The following DNM2 variants were observed in gnomAD, a reference collection of about 807,000 sequenced individuals.
DNM2 encodes the protein dynamin-2.
DNM2 carries 15 observed loss-of-function variants against 99.0 expected under a neutral mutation model. The observed-to-expected ratio is 0.15, with a 90% CI of 0.10 to 0.23. DNM2 has a LOEUF of 0.23. Ranked by LOEUF, DNM2 falls within the 10% of genes least tolerant of loss-of-function variation. The pLI, the probability that DNM2 is intolerant of heterozygous loss-of-function variation, is 1.00. For synonymous variants in DNM2, 525 were observed against 481.2 expected (o/e 1.09, Z -1.19); for missense variants, 742 against 1,189.4 (o/e 0.62, Z 5.53).
intron 7 of DNM2, among the ~76,000 whole-genome samples, chr19:10,789,205 CAAAG>C (rs1245688720): frequency 3.3e-5 from 5 of 152,052 alleles, no homozygotes; most frequent in South Asian, 4.2e-4. Context: ...CTCAAACAAA[CAAAG>C]AAACAAACAA....
chr19:10,741,676 A>G (rs1167826986), intron 1 of DNM2, among the ~76,000 whole-genome samples: 1 of 151,828 alleles, frequency 6.6e-6, no homozygotes, highest in Non-Finnish European at 1.5e-5. Flanking sequence ...CAGCCTCCCA[A>G]GTAGCTGGGA....
intron 12 of DNM2, chr19:10,803,697 C>T: frequency 1.0e-6 from 1 of 986,344 alleles, no homozygotes; most frequent in South Asian, 4.7e-5. Flanking sequence ...GTGCCTTTGC[C>T]CTGGTGTGTG....
chr19:10,827,610 G>A (rs1218323724), intron 18 of DNM2, among the ~76,000 whole-genome samples: 1 of 151,776 alleles, frequency 6.6e-6, no homozygotes, highest in Non-Finnish European at 1.5e-5. Context: ...GGTGGCTCAT[G>A]CCTGTAATCC....
intron 3 of DNM2, among the ~76,000 whole-genome samples, chr19:10,773,519 A>G (rs1201454650): frequency 4.4e-5 from 6 of 136,480 alleles, no homozygotes; most frequent in African/African-American, 1.7e-4. Flanking sequence ...CGCAATCTCC[A>G]CTCAATGCAA....
At chr19:10,793,663 T>C in intron 7 of DNM2, 57 bp from the exon 8 acceptor site, 2 of 1,614,062 alleles carry the variant, frequency 1.2e-6, no homozygotes, top group Non-Finnish European at 1.7e-6. Context: ...TGGAACATCA[T>C]TCCAGAGTAG....
chr19:10,775,371 C>T lies in DNM2; in HGVS notation c.386-332C>T, dbSNP rs781398331. Among the ~76,000 whole-genome samples, 2 of 152,288 alleles carry T rather than the reference C, an allele frequency of 1.3e-5. No homozygotes were observed. The highest frequency in any genetic ancestry group is 3.9e-4 in the East Asian group (2 of 5,184). On this transcript the variant is annotated intron_variant, in intron 3 of 20. Transcript: ENST00000389253. This position sits in a 1 kb window ranked among gnomAD's most constrained non-coding sequence, Gnocchi z 4.3. Reference sequence around the variant, plus strand: ...TGCTGGGATTGCAGATGTGAGCCACCGCACCCAGCCTCATCTGTTTGTCTG... The same window carrying T: ...TGCTGGGATTGCAGATGTGAGCCACTGCACCCAGCCTCATCTGTTTGTCTG...
chr19:10,804,058 G>C lies in DNM2; in HGVS notation c.1493+1700G>C, dbSNP rs1267770298. 5.3e-5 allele frequency among the ~76,000 whole-genome samples: 8 copies of C among 152,264 alleles called. 1 individual carries two copies. The East Asian group carries it at 1.5e-3, about 29-fold the overall frequency. On this transcript the variant is annotated intron_variant, in intron 12 of 20. Coordinates refer to ENST00000389253, the MANE Select transcript of DNM2 (RefSeq NM_001005361.3). ...GGAAGGAAGGCTACCAGACCAGGCA[G>C]GTAGAGGTAAGAGAGCCAGCGGCCA...
intron 7 of DNM2, among the ~76,000 whole-genome samples, chr19:10,792,309 C>A (rs2071780592): frequency 6.6e-6 from 1 of 152,162 alleles, no homozygotes. Flanking sequence ...TGACAGTGGT[C>A]ACCATTTGAG....
At position 10,767,380 on chromosome 19, in the gene DNM2, C is replaced by T. The variant is rs567655838; in HGVS notation, c.236-5099C>T. On this transcript the variant is annotated intron_variant, in intron 2 of 20. Coordinates refer to ENST00000389253, the MANE Select transcript of DNM2 (RefSeq NM_001005361.3). Reference sequence around the variant, plus strand: ...AGGCTGGAGTGCAGTGGCGTGATCACAGCTCACTGCAGCTTCAACCTCCCA... The same window carrying T: ...AGGCTGGAGTGCAGTGGCGTGATCATAGCTCACTGCAGCTTCAACCTCCCA... Among the ~76,000 whole-genome samples, 3 of 152,304 alleles carry T rather than the reference C, an allele frequency of 2.0e-5. No individual in the cohort carries two copies. The East Asian group carries it at 5.8e-4, about 29-fold the overall frequency.
Position 10,831,157 on chromosome 19 carries a change from C to T in DNM2, c.*110C>T. 6.9e-7 allele frequency: 1 copy of T among 1,448,806 alleles called. No individual in the cohort carries two copies. Among genetic ancestry groups the T allele is most frequent in the Non-Finnish European group, 9.1e-7 (1 of 1,102,698 alleles). 89.7% of individuals were successfully genotyped at this position (1,448,806 alleles called of 1,614,324 possible). A position where few individuals can be genotyped will look rare whatever the true frequency, so the allele number is the denominator to read the frequency against. ...ATGCTGGGACCAGGCTCCCAGTGGG[C>T]AGCCCTGGCCTCTTCCTTAACGCTG... On this transcript the variant is annotated 3_prime_UTR_variant, in exon 21 of 21. Coordinates refer to ENST00000389253, the MANE Select transcript of DNM2 (RefSeq NM_001005361.3). The surrounding 1 kb of genome is among the most constrained non-coding windows in gnomAD (Gnocchi z 4.3).
intron 14 of DNM2, chr19:10,810,393 G>A (rs2072499928): frequency 6.6e-6 from 1 of 152,364 alleles, no homozygotes; most frequent in Non-Finnish European, 1.5e-5. Context: ...ATGGCTAACG[G>A]GCCTTTGTTT....
intron 1 of DNM2, 186 bp from the exon 2 acceptor site, chr19:10,759,552 C>G: frequency 1.4e-6 from 1 of 700,790 alleles, no homozygotes; most frequent in Non-Finnish European, 2.6e-6. Context: ...CCATGCATAC[C>G]TTCCTGAGCT....
At chr19:10,801,360 CT>C (rs975742765) in intron 11 of DNM2, among the ~76,000 whole-genome samples, 2 of 151,918 alleles carry the variant, frequency 1.3e-5, no homozygotes, top group African/African-American at 4.8e-5. Flanking sequence ...TGGTTCACAC[CT>C]GTAATCCCAG....
At chr19:10,791,836 A>G (rs544537526) in intron 7 of DNM2, among the ~76,000 whole-genome samples, 1 of 152,172 alleles carries the variant, frequency 6.6e-6, no homozygotes, top group Non-Finnish European at 1.5e-5. Context: ...CTGTAATCCC[A>G]GCACTTTGGG....
rs2071902107 is a variant in DNM2, at chr19:10,795,566, T to C, written c.1196+127T>C. The C allele has an allele frequency of 3.6e-6, 4 of 1,100,024 alleles. No homozygotes were observed. The highest frequency in any genetic ancestry group is 5.5e-6 in the Non-Finnish European group (4 of 733,036). The allele number at this position is 1,100,024 out of a possible 1,614,324, so 68.1% of individuals were successfully genotyped here. ...TTAAGAGGGCTCTTGGATGGTTTTC[T>C]GTAGCTGCGAGCCCCTCCCTGAGGG... On this transcript the variant is annotated intron_variant, in intron 9 of 20. Coordinates refer to ENST00000389253, the MANE Select transcript of DNM2 (RefSeq NM_001005361.3). This position sits in a 1 kb window ranked among gnomAD's most constrained non-coding sequence, Gnocchi z 4.2.
intron 7 of DNM2, among the ~76,000 whole-genome samples, chr19:10,791,596 G>C (rs1194175649): frequency 6.6e-6 from 1 of 152,126 alleles, no homozygotes; most frequent in East Asian, 1.9e-4. Context: ...GCGTGGGTTG[G>C]GCCTGTAAAT....
At chr19:10,785,148 C>A (rs775194601) in intron 6 of DNM2, among the ~76,000 whole-genome samples, 1 of 151,828 alleles carries the variant, frequency 6.6e-6, no homozygotes. Flanking sequence ...GATGGAGTCT[C>A]GCTCTGTTGC....
Position 10,808,558 on chromosome 19 carries a change from C to A in DNM2, c.1546-11C>A, listed in dbSNP as rs1372399376. 1 of 1,612,092 alleles carries A rather than the reference C, an allele frequency of 6.2e-7. No individual in the cohort carries two copies. Among genetic ancestry groups the A allele is most frequent in the Admixed American group, 1.7e-5 (1 of 59,770 alleles). The stretch of plus-strand genomic sequence containing the variant: ...TGATTTACCCACAACCCTAACTTTG[C>A]ATATTCAAAGGGGGAGATCCTGGTA... On this transcript the variant is annotated splice_polypyrimidine_tract_variant and intron_variant, in intron 13 of 20. Coordinates refer to ENST00000389253, the MANE Select transcript of DNM2 (RefSeq NM_001005361.3).
Position 10,830,507 on chromosome 19 carries a change from A to G in DNM2, c.2543+129A>G. The G allele has an allele frequency of 2.6e-6, 3 of 1,152,478 alleles. No homozygotes were observed. Among genetic ancestry groups the G allele is most frequent in the South Asian group, 2.9e-5 (2 of 68,090 alleles). The allele number at this position is 1,152,478 out of a possible 1,614,324, so 71.4% of individuals were successfully genotyped here. On this transcript the variant is annotated intron_variant, in intron 20 of 20. Transcript: ENST00000389253. This position sits in a 1 kb window ranked among gnomAD's most constrained non-coding sequence, Gnocchi z 4.8. ...GAGTGGAGGAATCGTCCTCATCCCT[A>G]TTTGGCTTGCGAGGAAACAGGCCCA... is the stretch of plus-strand genomic sequence containing the variant.
Sources: gnomAD v4.1 joint callset for allele counts (sites outside exome capture counted in the v4.1 genomes callset) on GRCh38, gnomAD v4.1.1 for gene constraint, Gnocchi (gnomAD v3.1) non-coding constraint, MANE v1.5 for transcripts, NCBI Gene and HGNC (gene_info 2026-07-23, HGNC 2026-07-21) for gene names.